ZNF469: variants seen among roughly 807,000 people sequenced by gnomAD.
The protein encoded by ZNF469 is zinc finger protein 469.
Under a neutral mutation model 1.0 loss-of-function variants are expected in ZNF469, and 1 was observed. The observed-to-expected ratio is 1.00, with a 90% CI of 0.35 to 4.73. ZNF469 has a LOEUF of 4.73. Among genes scored for constraint, ZNF469 ranks in the 30% most tolerant of loss-of-function variants. ZNF469 has a pLI of 0.16. For synonymous variants in ZNF469, 2,703 were observed against 2,363.4 expected (o/e 1.14, Z -4.17); for missense variants, 6,100 against 5,356.3 (o/e 1.14, Z -4.33).
At chr16:88,334,024 C>A in the ZNF469 span, among the ~76,000 whole-genome samples, 1 of 142,100 alleles carries the variant, frequency 7.0e-6, no homozygotes. Context: ...GTGTGTGTGT[C>A]TGTGTGTGCA....
the ZNF469 span, among the ~76,000 whole-genome samples, chr16:88,175,310 A>G: frequency 6.6e-6 from 1 of 152,228 alleles, no homozygotes. Context: ...AAGCAGACAG[A>G]AAGTCAGTAA....
At position 88,428,355 on chromosome 16, in the gene ZNF469, C is replaced by T. The variant is rs928185688; in HGVS notation, c.885C>T (p.His295=). 29 of 1,549,040 alleles carry T rather than the reference C, an allele frequency of 1.9e-5. No individual in the cohort carries two copies. The highest frequency in any genetic ancestry group is 2.4e-5 in the East Asian group (1 of 40,912). ...TKPFPADVAG[H]AFTNGPLVFA... is the part of the protein sequence containing the mutation. ...CCTTCCCTGCGGATGTGGCTGGGCA[C>T]GCATTCACCAATGGGCCACTGGTGT... The change falls in exon 3 of 3, where the codon CAC becomes CAT. Residue 295 remains histidine (H), a synonymous_variant. Transcript: ENST00000565624.
At chr16:88,193,226 TGGTGGG>T in the ZNF469 span, among the ~76,000 whole-genome samples, 61 of 130,448 alleles carry the variant, frequency 4.7e-4, no homozygotes, top group Non-Finnish European at 7.5e-4. Flanking sequence ...GTGATGGTGG[TGGTGGG>T]GATGGTGGTG....
the ZNF469 span, among the ~76,000 whole-genome samples, chr16:88,229,349 C>T: frequency 2.0e-5 from 3 of 152,316 alleles, no homozygotes; most frequent in East Asian, 5.8e-4. Context: ...AAGCTGCTCT[C>T]GGGAACCCTC....
chr16:88,426,804 G>T lies in ZNF469; in HGVS notation c.-126-541G>T, dbSNP rs59962969. On this transcript the variant is annotated intron_variant, in intron 2 of 2. Coordinates refer to ENST00000565624, the MANE Select transcript of ZNF469 (RefSeq NM_001367624.2). ...GGGGAGTCCCCGCTTGGAACCAGCC[G>T]CCCAGGCCCTGAGAGGTTCAGGTTG... is the stretch of plus-strand genomic sequence containing the variant. Among the ~76,000 whole-genome samples the T allele has an allele frequency of 7.8e-3, 1,185 of 152,190 alleles. 12 individuals carry two copies. The highest frequency in any genetic ancestry group is 0.027 in the African/African-American group (1,135 of 41,510).
the ZNF469 span, among the ~76,000 whole-genome samples, chr16:88,152,014 G>A: frequency 3.3e-5 from 5 of 152,182 alleles, no homozygotes; most frequent in East Asian, 1.9e-4. This position sits in a 1 kb window ranked among gnomAD's most constrained non-coding sequence, Gnocchi z 4.2. Context: ...TTCTTACACA[G>A]AAGAGATGGA....
chr16:88,281,437 G>A, the ZNF469 span, among the ~76,000 whole-genome samples: 3 of 143,876 alleles, frequency 2.1e-5, no homozygotes, highest in African/African-American at 7.7e-5. Context: ...TACCATGCAT[G>A]GGTTAGTGCT....
intron 1 of ZNF469, among the ~76,000 whole-genome samples, chr16:88,422,778 GGT>G: frequency 2.2e-5 from 3 of 138,572 alleles, no homozygotes; most frequent in African/African-American, 8.2e-5. Flanking sequence ...ATGGATGGAT[GGT>G]TGGATGGATG....
At chr16:88,205,398 C>T in the ZNF469 span, among the ~76,000 whole-genome samples, 3 of 152,128 alleles carry the variant, frequency 2.0e-5, no homozygotes, top group African/African-American at 7.2e-5. This position sits in a 1 kb window ranked among gnomAD's most constrained non-coding sequence, Gnocchi z 4.2. Context: ...AAATCCCATT[C>T]TAGGCAGGGT....
At chr16:88,246,589 C>G in the ZNF469 span, among the ~76,000 whole-genome samples, 1 of 152,218 alleles carries the variant, frequency 6.6e-6, no homozygotes, top group African/African-American at 2.4e-5. Flanking sequence ...TGGCACCAAC[C>G]CAGAATTTTT....
chr16:88,241,785 C>T, the ZNF469 span, among the ~76,000 whole-genome samples: 6 of 152,168 alleles, frequency 3.9e-5, no homozygotes, highest in African/African-American at 9.7e-5. This position sits in a 1 kb window ranked among gnomAD's most constrained non-coding sequence, Gnocchi z 4.8. Flanking sequence ...TGCTTGGGGC[C>T]GGTGGAACAA....
At chr16:88,152,245 A>G in the ZNF469 span, among the ~76,000 whole-genome samples, 1 of 152,178 alleles carries the variant, frequency 6.6e-6, no homozygotes, top group African/African-American at 2.4e-5. The surrounding 1 kb of genome is among the most constrained non-coding windows in gnomAD (Gnocchi z 4.2). Context: ...ACCGGGCCCC[A>G]CCTTGCTCTG....
chr16:88,141,425 G>A, the ZNF469 span, among the ~76,000 whole-genome samples: 1 of 144,242 alleles, frequency 6.9e-6, no homozygotes, highest in African/African-American at 2.6e-5. Flanking sequence ...TGGGAAAGAG[G>A]CCCTGGGAGG....
Position 88,437,844 on chromosome 16 carries a change from G to A in ZNF469, c.10374G>A (p.Ala3458=), listed in dbSNP as rs1309505750. 3 of 1,540,128 alleles carry A rather than the reference G, an allele frequency of 1.9e-6. No individual in the cohort carries two copies. Among genetic ancestry groups the A allele is most frequent in the African/African-American group, 1.4e-5 (1 of 72,868 alleles). Residue 3458 remains alanine, a synonymous_variant, in exon 3 of 3, where the codon GCG becomes GCA. Transcript: ENST00000565624. ...TCCGCGGCGTGCGGAGGCCGGGAGC[G>A]CCGGGACAGAAGGCCCGGGCCCTCG... The part of the protein sequence containing the change: ...FAFRGVRRPG[A]PGQKARALEG...
chr16:88,115,501 C>T, the ZNF469 span, among the ~76,000 whole-genome samples: 1 of 151,962 alleles, frequency 6.6e-6, no homozygotes, highest in Non-Finnish European at 1.5e-5. Flanking sequence ...CCTGAGTTGA[C>T]CCTGGTTTAT....
chr16:88,353,576 C>T, the ZNF469 span, among the ~76,000 whole-genome samples: 2 of 152,220 alleles, frequency 1.3e-5, no homozygotes, highest in African/African-American at 4.8e-5. Flanking sequence ...TCCCGGAGCC[C>T]ATTGGGTGCC....
At position 88,434,392 on chromosome 16, in the gene ZNF469, C is replaced by T; in HGVS notation, c.6922C>T (p.Pro2308Ser). 1.3e-6 allele frequency: 2 copies of T among 1,549,922 alleles called. No individual in the cohort carries two copies. The highest frequency in any genetic ancestry group is 1.7e-6 in the Non-Finnish European group (2 of 1,146,936). ...AGGCAGGGGACTCCCAGGGCCAGAC[C>T]CCCAGAGCAGGGGAGCCCCGCCCCA... ...QAGRGLPGPD[P>S]QSRGAPPHTN... The change falls in exon 3 of 3, where the codon CCC becomes TCC. Residue 2308 changes from proline to serine, a missense_variant. Physicochemically the swap from Pro to Ser is moderately conservative, Grantham distance 74 (BLOSUM62 -1). Transcript: ENST00000565624.
At position 88,424,419 on chromosome 16, in the gene ZNF469, G is replaced by A. The variant is rs761594785; in HGVS notation, c.-191-388G>A. On this transcript the variant is annotated intron_variant, in intron 1 of 2. Coordinates refer to ENST00000565624, the MANE Select transcript of ZNF469 (RefSeq NM_001367624.2). The surrounding 1 kb of genome is among the most constrained non-coding windows in gnomAD (Gnocchi z 4.3). ...CAGAAGCTCCTCTAGTCTCCCCAGC[G>A]GGACTGGGGAGGGATCCTGGCAGGG... is the stretch of plus-strand genomic sequence containing the variant. Among the ~76,000 whole-genome samples the A allele has an allele frequency of 2.0e-5, 3 of 152,178 alleles. No homozygotes were observed. Among genetic ancestry groups the A allele is most frequent in the Admixed American group, 6.5e-5 (1 of 15,284 alleles).
the ZNF469 span, among the ~76,000 whole-genome samples, chr16:88,319,208 C>G: frequency 5.3e-5 from 8 of 152,140 alleles, no homozygotes; most frequent in Non-Finnish European, 1.2e-4. Flanking sequence ...TGGCTGCCCA[C>G]ACTGTCCCCC....
Sources: allele counts gnomAD v4.1 joint callset (sites outside exome capture counted in the v4.1 genomes callset), GRCh38; gene constraint gnomAD v4.1.1; non-coding constraint Gnocchi (gnomAD v3.1); transcripts MANE v1.5; gene names NCBI Gene and HGNC (gene_info 2026-07-23, HGNC 2026-07-21).